The following ALG14 variants were observed in gnomAD, a reference collection of about 807,000 sequenced individuals.
ALG14 encodes ALG14 UDP-N-acetylglucosaminyltransferase subunit, also known as UDP-N-acetylglucosamine transferase subunit ALG14.
Under a neutral mutation model 22.8 loss-of-function variants are expected in ALG14, and 17 were observed. The ratio of observed to expected loss-of-function variants is 0.75; its 90% CI spans 0.51 to 1.12. The LOEUF (loss-of-function observed/expected upper bound fraction) is 1.12, where lower values mean the gene tolerates loss of function less well. ALG14 is among the 50% of genes most tolerant of loss of function. The pLI is 0.00. For synonymous variants in ALG14, 89 were observed against 103.7 expected (o/e 0.86, Z 0.86); for missense variants, 288 against 271.8 (o/e 1.06, Z -0.42).
intron 2 of ALG14, among the ~76,000 whole-genome samples, chr1:95,046,988 T>TAACATAACAC (rs1181552267): frequency 1.0e-5 from 1 of 96,832 alleles, no homozygotes; most frequent in African/African-American, 4.9e-5. Flanking sequence ...TAACATAACA[T>TAACATAACAC]AACATAACAT....
intron 3 of ALG14, among the ~76,000 whole-genome samples, chr1:95,021,403 C>T (rs1309898809): frequency 2.0e-5 from 3 of 152,162 alleles, no homozygotes; most frequent in African/African-American, 7.2e-5. Context: ...ACTCTAGTTA[C>T]ACAAACTCTA....
intron 2 of ALG14, among the ~76,000 whole-genome samples, chr1:95,050,366 G>C (rs1278021729): frequency 6.6e-6 from 1 of 152,104 alleles, no homozygotes; most frequent in Non-Finnish European, 1.5e-5. Context: ...GAGGAAAATT[G>C]GGGGAGAGAG....
intron 2 of ALG14, among the ~76,000 whole-genome samples, chr1:95,059,288 TA>T (rs1341789673): frequency 6.7e-6 from 1 of 149,408 alleles, no homozygotes; most frequent in Non-Finnish European, 1.5e-5. Context: ...TCCAAACTAC[TA>T]GGGGGGCTGA....
At chr1:95,036,868 A>T (rs1674217104) in intron 2 of ALG14, among the ~76,000 whole-genome samples, 1 of 152,160 alleles carries the variant, frequency 6.6e-6, no homozygotes, top group South Asian at 2.1e-4. Context: ...TCAGTGTCCC[A>T]CTGTGAAGCA....
At chr1:94,993,205 A>G (rs1672817271) in intron 3 of ALG14, among the ~76,000 whole-genome samples, 1 of 149,252 alleles carries the variant, frequency 6.7e-6, no homozygotes, top group Admixed American at 6.8e-5. Context: ...AAATTGAGGA[A>G]GGGTCACAGA....
intron 3 of ALG14, among the ~76,000 whole-genome samples, chr1:95,006,139 C>T (rs745914632): frequency 6.6e-5 from 10 of 152,096 alleles, no homozygotes; most frequent in South Asian, 2.1e-4. Context: ...ACGATGAACC[C>T]GGACTGGTCT....
intron 2 of ALG14, among the ~76,000 whole-genome samples, chr1:95,030,002 G>C (rs1250036388): frequency 6.6e-6 from 1 of 152,102 alleles, no homozygotes; most frequent in African/African-American, 2.4e-5. Context: ...ATAGCAAATT[G>C]TTTGAGGTTT....
chr1:95,024,800 A>G (rs1673765652), intron 3 of ALG14, among the ~76,000 whole-genome samples: 1 of 152,150 alleles, frequency 6.6e-6, no homozygotes, highest in Admixed American at 6.5e-5. Context: ...CTCTACTTCT[A>G]ATTCTAGCTC....
At position 94,981,677 on chromosome 1, in the gene ALG14, TG is replaced by T. The variant is rs1351005468; in HGVS notation, c.*1398del. 5.6e-5 allele frequency: 8 copies of T among 143,148 alleles called. No individual in the cohort carries two copies. The highest frequency in any genetic ancestry group is 1.7e-4 in the African/African-American group (7 of 40,308). The allele number at this position is 143,148 out of a possible 1,614,324, so 8.9% of individuals were successfully genotyped here. The stretch of plus-strand genomic sequence containing the variant: ...ATCTTCTCTTTTCTGTTTTTTATTT[TG>T]TTTTGTTTTTTTTTTTTTTGGCTGC... On this transcript the variant is annotated 3_prime_UTR_variant, in exon 4 of 4. Transcript: ENST00000370205.
chr1:94,995,295 GATACAGAT>G (rs1046929914), intron 3 of ALG14, among the ~76,000 whole-genome samples: 6 of 152,188 alleles, frequency 3.9e-5, no homozygotes, highest in African/African-American at 1.4e-4. Flanking sequence ...GTGAGAGAGA[GATACAGAT>G]ATACAGAAAG....
chr1:95,055,389 C>T (rs973647038), intron 2 of ALG14, among the ~76,000 whole-genome samples: 3 of 151,636 alleles, frequency 2.0e-5, no homozygotes, highest in Admixed American at 1.3e-4. Context: ...ACCACCAACA[C>T]GGAAAATGTC....
At chr1:94,986,476 CTTTT>C (rs1417305952) in intron 3 of ALG14, among the ~76,000 whole-genome samples, 1 of 151,076 alleles carries the variant, frequency 6.6e-6, no homozygotes, top group Non-Finnish European at 1.5e-5. Flanking sequence ...CTTTTTTTTT[CTTTT>C]TTTCTTTTTT....
rs1275035144 is a variant in ALG14 at position 94,982,298 on chromosome 1, G to C, written c.*778C>G. 1.3e-5 allele frequency: 2 copies of C among 151,548 alleles called. No individual in the cohort carries two copies. The highest frequency in any genetic ancestry group is 2.9e-5 in the Non-Finnish European group (2 of 67,844). The allele number at this position is 151,548 out of a possible 1,614,324, so 9.4% of individuals were successfully genotyped here. Reference sequence around the variant, plus strand: ...GTGCCACCACGCCTGACTAATTTTTGTATTTTTAGTAGAGACAAGGTTTCA... The same window carrying C: ...GTGCCACCACGCCTGACTAATTTTTCTATTTTTAGTAGAGACAAGGTTTCA... On this transcript the variant is annotated 3_prime_UTR_variant, in exon 4 of 4. Coordinates refer to ENST00000370205, the MANE Select transcript of ALG14 (RefSeq NM_144988.4).
chr1:95,052,702 AC>A (rs950399423), intron 2 of ALG14, among the ~76,000 whole-genome samples: 8 of 152,028 alleles, frequency 5.3e-5, no homozygotes, highest in Middle Eastern at 3.2e-3. Context: ...TACTAAATAT[AC>A]AAAAATGACT....
chr1:95,012,617 C>T (rs1673397192), intron 3 of ALG14, among the ~76,000 whole-genome samples: 1 of 152,198 alleles, frequency 6.6e-6, no homozygotes, highest in Admixed American at 6.5e-5. Context: ...TACCCTATCA[C>T]CATATGTGGG....
At chr1:94,996,409 C>G (rs1377588435) in intron 3 of ALG14, among the ~76,000 whole-genome samples, 2 of 152,170 alleles carry the variant, frequency 1.3e-5, no homozygotes, top group Non-Finnish European at 2.9e-5. Flanking sequence ...GATGTGGGCA[C>G]TGGTGATCCA....
Position 94,978,798 on chromosome 1 carries a change from T to C in ALG14, c.*4278A>G, listed in dbSNP as rs893474745. ...TACCTTCTACTCCGTCATAGTACCC[T>C]GTTACCCCATTTATTTCCTTTTGAG... On this transcript the variant is annotated 3_prime_UTR_variant, in exon 4 of 4. Coordinates refer to ENST00000370205, the MANE Select transcript of ALG14 (RefSeq NM_144988.4). The C allele has an allele frequency of 1.3e-5, 2 of 151,710 alleles. No individual in the cohort carries two copies. Among genetic ancestry groups the C allele is most frequent in the African/African-American group, 2.4e-5 (1 of 41,216 alleles). The allele number at this position is 151,710 out of a possible 1,614,324, so 9.4% of individuals were successfully genotyped here.
At position 94,977,959 on chromosome 1, in the gene ALG14, A is replaced by G. The variant is rs537588357; in HGVS notation, c.*5117T>C. On this transcript the variant is annotated 3_prime_UTR_variant, in exon 4 of 4. Transcript: ENST00000370205. ...AAACACTGTGCCCAGCCAGTTTTCA[A>G]TAATTTTTTAGTATAATGAGGTCCT... 1.3e-5 allele frequency: 2 copies of G among 151,814 alleles called. No individual in the cohort carries two copies. Among genetic ancestry groups the G allele is most frequent in the African/African-American group, 2.4e-5 (1 of 41,410 alleles). The allele number at this position is 151,814 out of a possible 1,614,324, so 9.4% of individuals were successfully genotyped here. A position where few individuals can be genotyped will look rare whatever the true frequency, so the allele number is the denominator to read the frequency against.
chr1:94,995,201 G>A (rs1672877261), intron 3 of ALG14, among the ~76,000 whole-genome samples: 2 of 152,174 alleles, frequency 1.3e-5, no homozygotes, highest in African/African-American at 4.8e-5. Flanking sequence ...TTTTATAGAA[G>A]ATGATCTGAT....
Sources: allele counts gnomAD v4.1 joint callset (sites outside exome capture counted in the v4.1 genomes callset), GRCh38; gene constraint gnomAD v4.1.1; transcripts MANE v1.5; gene names NCBI Gene and HGNC (gene_info 2026-07-23, HGNC 2026-07-21).